SORCS1: variants seen among roughly 807,000 people sequenced by gnomAD.
SORCS1 encodes the protein sortilin related VPS10 domain containing receptor 1.
SORCS1 carries 60 observed loss-of-function variants against 146.1 expected under a neutral mutation model. That is an observed-to-expected ratio of 0.41 (90% CI 0.33 to 0.51). The LOEUF is 0.51. Among genes scored for constraint, SORCS1 ranks in the 20% least tolerant of loss-of-function variants. The pLI is 0.21. For synonymous variants in SORCS1, 637 were observed against 584.0 expected (o/e 1.09, Z -1.31); for missense variants, 1,352 against 1,487.6 (o/e 0.91, Z 1.50).
chr10:106,755,984 C>T (rs1258034845), intron 5 of SORCS1, among the ~76,000 whole-genome samples: 1 of 152,008 alleles, frequency 6.6e-6, no homozygotes, highest in Non-Finnish European at 1.5e-5. Context: ...AAAAAATTAG[C>T]CAGGCATGGT....
intron 1 of SORCS1, among the ~76,000 whole-genome samples, chr10:107,119,849 T>C (rs995246169): frequency 2.6e-5 from 4 of 152,114 alleles, no homozygotes; most frequent in Admixed American, 6.5e-5. Flanking sequence ...AGTGAGAGTA[T>C]TCATCATCCA....
intron 12 of SORCS1, among the ~76,000 whole-genome samples, 175 bp from the exon 13 acceptor site, chr10:106,677,579 A>C (rs1288482697): frequency 6.6e-6 from 1 of 152,190 alleles, no homozygotes; most frequent in Non-Finnish European, 1.5e-5. Context: ...CTATTATACC[A>C]TTGGTGTTGT....
At chr10:106,868,732 C>T (rs771990131) in intron 2 of SORCS1, among the ~76,000 whole-genome samples, 3 of 152,120 alleles carry the variant, frequency 2.0e-5, no homozygotes, top group Admixed American at 6.6e-5. Context: ...TAAATGCCCA[C>T]ATCAAAAACT....
chr10:106,889,888 T>TAAAAAAAAAAAAAAAA (rs772421907), intron 2 of SORCS1, among the ~76,000 whole-genome samples: 1 of 71,680 alleles, frequency 1.4e-5, no homozygotes, highest in African/African-American at 5.2e-5. Context: ...ACGTCTCAAA[T>TAAAAAAAAAAAAAAAA]AAAAAAAAAA....
chr10:106,599,762 T>C (rs1041221572), intron 23 of SORCS1, among the ~76,000 whole-genome samples: 6 of 151,694 alleles, frequency 4.0e-5, no homozygotes, highest in Non-Finnish European at 7.4e-5. Context: ...TCTTTCTTTC[T>C]TTCTTTCTTT....
chr10:106,949,523 C>T (rs929777426), intron 2 of SORCS1, among the ~76,000 whole-genome samples: 1 of 152,126 alleles, frequency 6.6e-6, no homozygotes, highest in African/African-American at 2.4e-5. Flanking sequence ...TGACTCAAGG[C>T]CATTATTCAC....
intron 2 of SORCS1, among the ~76,000 whole-genome samples, chr10:106,933,835 T>C (rs1191691214): frequency 6.6e-6 from 1 of 152,160 alleles, no homozygotes; most frequent in East Asian, 1.9e-4. Flanking sequence ...GGCTCATACT[T>C]GTAATCCTAG....
At chr10:106,811,859 C>T (rs1947476410) in intron 3 of SORCS1, among the ~76,000 whole-genome samples, 1 of 152,170 alleles carries the variant, frequency 6.6e-6, no homozygotes, top group Non-Finnish European at 1.5e-5. Flanking sequence ...AACCAAAAAG[C>T]TCGAGAAAAT....
intron 1 of SORCS1, among the ~76,000 whole-genome samples, chr10:107,007,791 T>A (rs911610191): frequency 6.6e-6 from 1 of 152,124 alleles, no homozygotes; most frequent in African/African-American, 2.4e-5. Flanking sequence ...CTAGGCCACA[T>A]CCCATTGAAT....
intron 1 of SORCS1, among the ~76,000 whole-genome samples, chr10:106,981,429 G>A (rs1023122790): frequency 3.3e-5 from 5 of 152,086 alleles, no homozygotes; most frequent in Admixed American, 1.3e-4. Context: ...CTATGGATGC[G>A]ACATACACCA....
chr10:106,936,401 T>A (rs1953721163), intron 2 of SORCS1, among the ~76,000 whole-genome samples: 1 of 152,154 alleles, frequency 6.6e-6, no homozygotes. Context: ...TAGATTTGGT[T>A]AGACAATCTC....
intron 3 of SORCS1, among the ~76,000 whole-genome samples, chr10:106,828,930 G>A (rs1214928960): frequency 6.6e-6 from 1 of 152,016 alleles, no homozygotes; most frequent in Non-Finnish European, 1.5e-5. Flanking sequence ...CTCTGCAATG[G>A]GCACAAACTA....
the SORCS1 span, among the ~76,000 whole-genome samples, chr10:107,175,952 A>G: frequency 1.3e-5 from 2 of 152,172 alleles, no homozygotes; most frequent in African/African-American, 4.8e-5. Context: ...AACTTACTAG[A>G]AGTTTATCAG....
rs1214974068 is a variant in SORCS1, at chr10:106,607,256, G to T, written c.3075C>A (p.Leu1025=). Residue 1025 remains leucine (L), a synonymous_variant, in exon 23 of 26, where the codon CTC becomes CTA. Transcript: ENST00000263054. ...GTTCAGCAGTGGTGGGTAAGCCAGG[G>T]AGCACCGCCACCAGGATGTGCTGGC... is the stretch of plus-strand genomic sequence containing the variant. ...VPGQHILVAV[L]PGLPTTAELF... is the part of the protein sequence containing the mutation. The T allele has an allele frequency of 6.2e-7, 1 of 1,613,986 alleles. No homozygotes were observed. The highest frequency in any genetic ancestry group is 1.7e-5 in the Admixed American group (1 of 60,000).
chr10:107,065,604 G>A (rs1338064375), intron 1 of SORCS1, among the ~76,000 whole-genome samples: 2 of 149,214 alleles, frequency 1.3e-5, no homozygotes, highest in Non-Finnish European at 2.9e-5. Flanking sequence ...TGCAACTTTC[G>A]CCTCCAGGGC....
chr10:106,747,762 A>T lies in SORCS1; in HGVS notation c.959+13826T>A, dbSNP rs1450168455. Among the ~76,000 whole-genome samples the T allele has an allele frequency of 4.6e-5, 7 of 152,180 alleles. 1 individual carries two copies. The highest frequency in any genetic ancestry group is 1.0e-4 in the Non-Finnish European group (7 of 68,046). On this transcript the variant is annotated intron_variant, in intron 5 of 25. Coordinates refer to ENST00000263054, the MANE Select transcript of SORCS1 (RefSeq NM_052918.5). ...CAACAGGGTGACTACAGTTAACAATAATCTATTATATATTTTCCAATAGCA... is the reference window on the plus strand; with the variant it reads ...CAACAGGGTGACTACAGTTAACAATTATCTATTATATATTTTCCAATAGCA...
chr10:106,742,042 C>G (rs946439414), intron 5 of SORCS1, among the ~76,000 whole-genome samples: 3 of 152,102 alleles, frequency 2.0e-5, no homozygotes, highest in African/African-American at 7.2e-5. Context: ...GAGGCTATTG[C>G]CCTCAAATAC....
chr10:106,825,463 G>C (rs1027422524), intron 3 of SORCS1, among the ~76,000 whole-genome samples: 1 of 151,804 alleles, frequency 6.6e-6, no homozygotes, highest in Non-Finnish European at 1.5e-5. Context: ...TAGTAGAGAC[G>C]GGGTTTCACC....
intron 1 of SORCS1, among the ~76,000 whole-genome samples, chr10:107,114,883 C>G (rs145918624): frequency 2.5e-3 from 376 of 152,144 alleles, no homozygotes; most frequent in Non-Finnish European, 3.5e-3. Flanking sequence ...CCTGTCAGAA[C>G]TAATAAATAA....
Sources: allele counts gnomAD v4.1 joint callset (sites outside exome capture counted in the v4.1 genomes callset), GRCh38; gene constraint gnomAD v4.1.1; transcripts MANE v1.5; gene names NCBI Gene and HGNC (gene_info 2026-07-23, HGNC 2026-07-21).